The following RUNDC3B variants were observed in gnomAD, a reference collection of about 807,000 sequenced individuals.
RUNDC3B encodes RUN domain-containing protein 3B.
A neutral mutation model predicts 58.4 loss-of-function variants in RUNDC3B; 33 were observed. That is an observed-to-expected ratio of 0.56 (90% CI 0.43 to 0.75). RUNDC3B has a LOEUF of 0.75. Ranked by LOEUF, RUNDC3B falls within the 30% of genes least tolerant of loss-of-function variation. The pLI is 0.00. For missense variants in RUNDC3B, 501 were observed against 535.7 expected (o/e 0.94, Z 0.64); for synonymous variants, 193 against 195.2 (o/e 0.99, Z 0.10).
Position 87,739,653 on chromosome 7 carries a change from G to A in RUNDC3B, c.459-138G>A, listed in dbSNP as rs138964670. ...TAAATATCTTCAAAACTTCAGTGATGGAAATATGTTTTTTTTAAAAATACA... is the reference window on the plus strand; with the variant it reads ...TAAATATCTTCAAAACTTCAGTGATAGAAATATGTTTTTTTTAAAAATACA... On this transcript the variant is annotated intron_variant, in intron 4 of 10. Coordinates refer to ENST00000394654, the MANE Select transcript of RUNDC3B (RefSeq NM_001134405.2). The A allele has an allele frequency of 8.5e-4, 347 of 409,946 alleles. 2 individuals are homozygous for A. The highest frequency in any genetic ancestry group is 6.6e-3 in the African/African-American group (325 of 48,884). 25.4% of individuals were successfully genotyped at this position (409,946 alleles called of 1,614,324 possible). A position where few individuals can be genotyped will look rare whatever the true frequency, so the allele number is the denominator to read the frequency against.
chr7:87,709,322 C>T (rs569665701), intron 3 of RUNDC3B: 8 of 984,630 alleles, frequency 8.1e-6, no homozygotes, highest in East Asian at 1.1e-4. Flanking sequence ...TTCAAGACAC[C>T]GCTACTAGTT....
At chr7:87,744,581 T>C (rs1180736957) in intron 6 of RUNDC3B, among the ~76,000 whole-genome samples, 1 of 152,206 alleles carries the variant, frequency 6.6e-6, no homozygotes, top group Non-Finnish European at 1.5e-5. Flanking sequence ...TTTTCAGCTA[T>C]TGTAAAAGGG....
chr7:87,699,479 C>T (rs138149152), intron 2 of RUNDC3B, among the ~76,000 whole-genome samples: 227 of 152,268 alleles, frequency 1.5e-3, no homozygotes, highest in African/African-American at 5.0e-3. Flanking sequence ...CCTCAGCTCA[C>T]TGCAACCTTC....
chr7:87,681,329 G>C (rs1284848942), intron 2 of RUNDC3B, among the ~76,000 whole-genome samples: 2 of 150,312 alleles, frequency 1.3e-5, no homozygotes, highest in African/African-American at 4.9e-5. Flanking sequence ...ATTTTATAAG[G>C]AAACTATTAG....
intron 6 of RUNDC3B, among the ~76,000 whole-genome samples, chr7:87,751,420 G>C (rs1396826446): frequency 6.6e-6 from 1 of 152,180 alleles, no homozygotes; most frequent in East Asian, 1.9e-4. Context: ...TGTGAAGAAA[G>C]TCATTGGTAG....
At position 87,628,588 on chromosome 7, in the gene RUNDC3B, T is replaced by C. The variant is rs6977049; in HGVS notation, c.-236T>C. 0.22 allele frequency: 6,473 copies of C among 29,050 alleles called. 64 individuals are homozygous for C. The highest frequency in any genetic ancestry group is 0.27 in the South Asian group (164 of 606). The allele number at this position is 29,050 out of a possible 1,614,324, so 1.8% of individuals were successfully genotyped here. A position where few individuals can be genotyped will look rare whatever the true frequency, so the allele number is the denominator to read the frequency against. On this transcript the variant is annotated 5_prime_UTR_variant, in exon 1 of 11. Transcript: ENST00000394654. ...GGCGGAGGTGGTGCGTGCGTGCGTG[T>C]GTGTGTGTGTGTGTGTGTGTGTGTG...
At chr7:87,780,296 G>T (rs146966889) in intron 8 of RUNDC3B, among the ~76,000 whole-genome samples, 149 of 152,082 alleles carry the variant, frequency 9.8e-4, no homozygotes, top group African/African-American at 3.5e-3. Flanking sequence ...CTGTTGTTTT[G>T]CAACTTTTTA....
intron 4 of RUNDC3B, among the ~76,000 whole-genome samples, chr7:87,734,242 A>G (rs939888478): frequency 6.6e-6 from 1 of 152,232 alleles, no homozygotes; most frequent in Non-Finnish European, 1.5e-5. Flanking sequence ...CAATTTTTCA[A>G]AAGGTTAAAC....
chr7:87,650,783 C>A, intron 1 of RUNDC3B, 39 bp from the exon 2 acceptor site: 2 of 1,258,482 alleles, frequency 1.6e-6, no homozygotes, highest in South Asian at 1.2e-5. Context: ...GGGAATGAAT[C>A]AACTCTGCCT....
chr7:87,801,445 G>A (rs1233516977), intron 8 of RUNDC3B, among the ~76,000 whole-genome samples: 1 of 151,940 alleles, frequency 6.6e-6, no homozygotes, highest in Non-Finnish European at 1.5e-5. Context: ...TTTTTACCTG[G>A]GATGAGCCTC....
intron 6 of RUNDC3B, among the ~76,000 whole-genome samples, chr7:87,761,308 C>T (rs1448236473): frequency 6.6e-6 from 1 of 151,894 alleles, no homozygotes; most frequent in Admixed American, 6.6e-5. Flanking sequence ...ATAGCTATAT[C>T]CAAAATCAAC....
chr7:87,796,462 C>A (rs1835825923), intron 8 of RUNDC3B, among the ~76,000 whole-genome samples: 1 of 152,014 alleles, frequency 6.6e-6, no homozygotes. Context: ...AAAGTAAAAT[C>A]GGATTGCTGG....
In RUNDC3B at chr7:87,680,381, C is replaced by T. The variant is rs139520654; in HGVS notation, c.239-20040C>T. 2.5e-4 allele frequency among the ~76,000 whole-genome samples: 37 copies of T among 150,652 alleles called. 2 individuals are homozygous for T. Among genetic ancestry groups the T allele is most frequent in the African/African-American group, 7.9e-4 (32 of 40,684 alleles). On this transcript the variant is annotated intron_variant, in intron 2 of 10. Coordinates refer to ENST00000394654, the MANE Select transcript of RUNDC3B (RefSeq NM_001134405.2). ...TTGAACTGAATGAAAAACTAAAACGCGTTGTATCAAAATGTGTAGCATGCA... is the reference window on the plus strand; with the variant it reads ...TTGAACTGAATGAAAAACTAAAACGTGTTGTATCAAAATGTGTAGCATGCA...
chr7:87,824,161 A>C (rs919783321), intron 10 of RUNDC3B, among the ~76,000 whole-genome samples: 1 of 151,282 alleles, frequency 6.6e-6, no homozygotes, highest in South Asian at 2.1e-4. Context: ...TCCAACAAGC[A>C]ATTAGTCATA....
chr7:87,642,757 A>G (rs1429830819), intron 1 of RUNDC3B, among the ~76,000 whole-genome samples: 2 of 152,080 alleles, frequency 1.3e-5, no homozygotes, highest in African/African-American at 2.4e-5. Flanking sequence ...ATGTTTGGCA[A>G]TCTGCTGTCA....
At chr7:87,761,823 T>C (rs937888775) in intron 6 of RUNDC3B, among the ~76,000 whole-genome samples, 1 of 151,792 alleles carries the variant, frequency 6.6e-6, no homozygotes, top group African/African-American at 2.4e-5. Flanking sequence ...AAAGGGAGCA[T>C]GGCAATTTAT....
In RUNDC3B at chr7:87,650,947, C is replaced by G. The variant is rs746397167; in HGVS notation, c.238+10C>G. 1 of 1,434,722 alleles carries G rather than the reference C, an allele frequency of 7.0e-7. No individual in the cohort carries two copies. Among genetic ancestry groups the G allele is most frequent in the South Asian group, 1.2e-5 (1 of 86,846 alleles). 88.9% of individuals were successfully genotyped at this position (1,434,722 alleles called of 1,614,324 possible). A position where few individuals can be genotyped will look rare whatever the true frequency, so the allele number is the denominator to read the frequency against. On this transcript the variant is annotated intron_variant, in intron 2 of 10. Transcript: ENST00000394654. ...AGCCACCGGCTAAAAGGTAAAAGCA[C>G]TAATGTACTATTTATTTTCCCACCA...
At chr7:87,629,719 G>C (rs1821006394) in intron 1 of RUNDC3B, among the ~76,000 whole-genome samples, 1 of 152,200 alleles carries the variant, frequency 6.6e-6, no homozygotes, top group African/African-American at 2.4e-5. Flanking sequence ...CGAGGTCGGA[G>C]TTCGAGACCA....
intron 2 of RUNDC3B, among the ~76,000 whole-genome samples, chr7:87,653,348 A>G (rs1348401362): frequency 6.6e-6 from 1 of 152,132 alleles, no homozygotes; most frequent in Non-Finnish European, 1.5e-5. Flanking sequence ...GCCAGGTTGG[A>G]GAAGTTAGGC....
Sources: allele counts gnomAD v4.1 joint callset (sites outside exome capture counted in the v4.1 genomes callset), GRCh38; gene constraint gnomAD v4.1.1; transcripts MANE v1.5; gene names NCBI Gene and HGNC (gene_info 2026-07-23, HGNC 2026-07-21).